The following NOPCHAP1 variants were observed in gnomAD, a reference collection of about 807,000 sequenced individuals.
The protein encoded by NOPCHAP1 is DNA damage-sensitive RNA 1.
Under a neutral mutation model 14.0 loss-of-function variants are expected in NOPCHAP1, and 13 were observed. That is an observed-to-expected ratio of 0.93 (90% CI 0.60 to 1.47). The LOEUF (loss-of-function observed/expected upper bound fraction) is 1.47, where lower values mean the gene tolerates loss of function less well. NOPCHAP1 is among the 40% of genes most tolerant of loss of function. NOPCHAP1 has a pLI of 0.00. For synonymous variants in NOPCHAP1, 78 were observed against 78.4 expected, an observed-to-expected ratio of 1.00 and a Z score of 0.03; for missense variants, 230 against 226.9, an observed-to-expected ratio of 1.01 and a Z score of -0.09.
rs928944008 is a variant in NOPCHAP1, at chr12:105,000,589, A to G, written c.*5893A>G. 1.3e-5 allele frequency: 2 copies of G among 152,112 alleles called. No individual in the cohort carries two copies. The highest frequency in any genetic ancestry group is 2.4e-5 in the African/African-American group (1 of 41,438). The allele number at this position is 152,112 out of a possible 1,614,324, so 9.4% of individuals were successfully genotyped here. A position where few individuals can be genotyped will look rare whatever the true frequency, so the allele number is the denominator to read the frequency against. ...CAGAGAAGAGAACTCTTGATCCATG[A>G]TCAAATTCTTACCACCCATACTGCA... On this transcript the variant is annotated 3_prime_UTR_variant, in exon 4 of 4. Transcript: ENST00000552951.
chr12:104,988,032 TCTC>T (rs1873279967), intron 1 of NOPCHAP1, 132 bp from the exon 2 acceptor site: 2 of 560,244 alleles, frequency 3.6e-6, no homozygotes, highest in South Asian at 5.4e-5. Context: ...AGCTTGGAGT[TCTC>T]CTTTAAAAAA....
intron 3 of NOPCHAP1, among the ~76,000 whole-genome samples, chr12:104,994,099 C>T (rs1397753754): frequency 6.6e-6 from 1 of 152,192 alleles, no homozygotes; most frequent in Non-Finnish European, 1.5e-5. Context: ...AATTGCAGCG[C>T]TTTGGGAGGG....
chr12:104,987,488 C>T (rs1486612159), intron 1 of NOPCHAP1, among the ~76,000 whole-genome samples: 2 of 152,162 alleles, frequency 1.3e-5, no homozygotes, highest in East Asian at 3.8e-4. Context: ...ATGTTTGTTG[C>T]GGCTCTGCTT....
In NOPCHAP1 at chr12:105,011,748, A is replaced by C. The variant is rs1004626832; in HGVS notation, c.*17052A>C. ...GGATTTTATTTCTCGTTCGCTTATG[A>C]AGCTTAGTTTGGCTGGATATGAAAT... is the stretch of plus-strand genomic sequence containing the variant. On this transcript the variant is annotated 3_prime_UTR_variant, in exon 4 of 4. Coordinates refer to ENST00000552951, the MANE Select transcript of NOPCHAP1 (RefSeq NM_152318.3). The C allele has an allele frequency of 6.6e-6, 1 of 152,176 alleles. No homozygotes were observed. Among genetic ancestry groups the C allele is most frequent in the African/African-American group, 2.4e-5 (1 of 41,436 alleles). 9.4% of individuals were successfully genotyped at this position (152,176 alleles called of 1,614,324 possible).
chr12:105,017,601 A>G lies in NOPCHAP1; in HGVS notation c.*22905A>G, dbSNP rs1873976480. On this transcript the variant is annotated 3_prime_UTR_variant, in exon 4 of 4. Coordinates refer to ENST00000552951, the MANE Select transcript of NOPCHAP1 (RefSeq NM_152318.3). Reference sequence around the variant, plus strand: ...ATAGTGCCTTTCACTCAGTTGGAATATATAATAAATGTTCATTAAACTGAC... The same window carrying G: ...ATAGTGCCTTTCACTCAGTTGGAATGTATAATAAATGTTCATTAAACTGAC... 1 of 151,944 alleles carries G rather than the reference A, an allele frequency of 6.6e-6. No homozygotes were observed. Among genetic ancestry groups the G allele is most frequent in the Admixed American group, 6.6e-5 (1 of 15,248 alleles). 9.4% of individuals were successfully genotyped at this position (151,944 alleles called of 1,614,324 possible).
rs540059121 is a variant in NOPCHAP1 at position 104,995,403 on chromosome 12, A to G, written c.*707A>G. The G allele has an allele frequency of 1.2e-4, 19 of 152,288 alleles. No individual in the cohort carries two copies. Among genetic ancestry groups the G allele is most frequent in the Non-Finnish European group, 2.3e-4 (16 of 68,124 alleles). The allele number at this position is 152,288 out of a possible 1,614,324, so 9.4% of individuals were successfully genotyped here. On this transcript the variant is annotated 3_prime_UTR_variant, in exon 4 of 4. Coordinates refer to ENST00000552951, the MANE Select transcript of NOPCHAP1 (RefSeq NM_152318.3). ...TTGTATTGAATTTTCTGTAGTAGCA[A>G]AATCTGGAAAAATAGGTACAACATT...
rs1172126416 is a variant in NOPCHAP1 at position 105,008,293 on chromosome 12, A to C, written c.*13597A>C. The C allele has an allele frequency of 6.6e-6, 1 of 152,204 alleles. No individual in the cohort carries two copies. Among genetic ancestry groups the C allele is most frequent in the African/African-American group, 2.4e-5 (1 of 41,446 alleles). 9.4% of individuals were successfully genotyped at this position (152,204 alleles called of 1,614,324 possible). ...GGCCGCATAAATGTCTTCTTTTGAGAAGTGTCTGTTCGTATCCTTCGCCCA... is the reference window on the plus strand; with the variant it reads ...GGCCGCATAAATGTCTTCTTTTGAGCAGTGTCTGTTCGTATCCTTCGCCCA... On this transcript the variant is annotated 3_prime_UTR_variant, in exon 4 of 4. Transcript: ENST00000552951.
intron 1 of NOPCHAP1, among the ~76,000 whole-genome samples, chr12:104,987,474 A>G (rs147544925): frequency 1.3e-5 from 2 of 152,296 alleles, no homozygotes; most frequent in East Asian, 1.9e-4. Context: ...TAGGCATTCA[A>G]TGGATGTTTG....
In NOPCHAP1 at chr12:105,016,387, A is replaced by G. The variant is rs140342643; in HGVS notation, c.*21691A>G. The G allele has an allele frequency of 1.4e-4, 22 of 152,334 alleles. No individual in the cohort carries two copies. In the East Asian group the frequency reaches 3.7e-3, roughly 25 times the overall value. 9.4% of individuals were successfully genotyped at this position (152,334 alleles called of 1,614,324 possible). On this transcript the variant is annotated 3_prime_UTR_variant, in exon 4 of 4. Transcript: ENST00000552951. ...GTCTAAGAGTTACCACCACTCATAC[A>G]TATGTAAAGGCTAATGGAGTTGTAA...
rs1449229537 is a variant in NOPCHAP1, at chr12:105,000,501, A to C, written c.*5805A>C. The C allele has an allele frequency of 3.9e-5, 6 of 152,210 alleles. No homozygotes were observed. The highest frequency in any genetic ancestry group is 8.8e-5 in the Non-Finnish European group (6 of 68,036). 9.4% of individuals were successfully genotyped at this position (152,210 alleles called of 1,614,324 possible). ...GGTCCTATGGATTTTCCTGTAAGGA[A>C]AAGGAAAGATTAAGACAATAGGAAA... On this transcript the variant is annotated 3_prime_UTR_variant, in exon 4 of 4. Transcript: ENST00000552951.
chr12:104,990,674 T>G (rs1286350437), intron 2 of NOPCHAP1, among the ~76,000 whole-genome samples: 1 of 152,120 alleles, frequency 6.6e-6, no homozygotes, highest in East Asian at 1.9e-4. Context: ...AGAGAGAAAA[T>G]AAATATCCTT....
chr12:104,993,912 G>T (rs940272564), intron 3 of NOPCHAP1, among the ~76,000 whole-genome samples: 1 of 152,202 alleles, frequency 6.6e-6, no homozygotes, highest in Non-Finnish European at 1.5e-5. Flanking sequence ...TTTGCTGAAA[G>T]AATGTTGTTG....
rs1322600838 is a variant in NOPCHAP1 at position 104,996,197 on chromosome 12, C to G, written c.*1501C>G. ...CATATTTTCTGTAGACCAATACAGGCAGACCCTCTGAGGCTGGAAAAGAGG... is the reference window on the plus strand; with the variant it reads ...CATATTTTCTGTAGACCAATACAGGGAGACCCTCTGAGGCTGGAAAAGAGG... On this transcript the variant is annotated 3_prime_UTR_variant, in exon 4 of 4. Coordinates refer to ENST00000552951, the MANE Select transcript of NOPCHAP1 (RefSeq NM_152318.3). 6.6e-6 allele frequency: 1 copy of G among 152,116 alleles called. No homozygotes were observed. The highest frequency in any genetic ancestry group is 1.5e-5 in the Non-Finnish European group (1 of 68,042). 9.4% of individuals were successfully genotyped at this position (152,116 alleles called of 1,614,324 possible). A position where few individuals can be genotyped will look rare whatever the true frequency, so the allele number is the denominator to read the frequency against.
intron 3 of NOPCHAP1, among the ~76,000 whole-genome samples, chr12:104,992,607 A>G (rs572685782): frequency 6.6e-6 from 1 of 152,146 alleles, no homozygotes; most frequent in Non-Finnish European, 1.5e-5. Context: ...CCCAACCCCC[A>G]GGCTGTGGAC....
Position 105,009,669 on chromosome 12 carries a change from A to C in NOPCHAP1, c.*14973A>C, listed in dbSNP as rs1402564086. 6.6e-6 allele frequency: 1 copy of C among 152,206 alleles called. No individual in the cohort carries two copies. The highest frequency in any genetic ancestry group is 6.5e-5 in the Admixed American group (1 of 15,280). 9.4% of individuals were successfully genotyped at this position (152,206 alleles called of 1,614,324 possible). A position where few individuals can be genotyped will look rare whatever the true frequency, so the allele number is the denominator to read the frequency against. On this transcript the variant is annotated 3_prime_UTR_variant, in exon 4 of 4. Transcript: ENST00000552951. ...ACCTAGTTTATTGAGAGTTTTTAGC[A>C]TGAAGGGGTGTTGAATTTTATCAAA...
rs1482755229 is a variant in NOPCHAP1 at position 105,002,904 on chromosome 12, G to A, written c.*8208G>A. The A allele has an allele frequency of 1.3e-5, 2 of 152,210 alleles. No homozygotes were observed. The highest frequency in any genetic ancestry group is 6.5e-5 in the Admixed American group (1 of 15,288). The allele number at this position is 152,210 out of a possible 1,614,324, so 9.4% of individuals were successfully genotyped here. A position where few individuals can be genotyped will look rare whatever the true frequency, so the allele number is the denominator to read the frequency against. On this transcript the variant is annotated 3_prime_UTR_variant, in exon 4 of 4. Coordinates refer to ENST00000552951, the MANE Select transcript of NOPCHAP1 (RefSeq NM_152318.3). ...CTGGCTGATCAGAGAATCCCATTTT[G>A]TAAGGCATTTGTCTAACTTGCCTTT...
Position 104,996,784 on chromosome 12 carries a change from T to G in NOPCHAP1, c.*2088T>G, listed in dbSNP as rs1466321398. On this transcript the variant is annotated 3_prime_UTR_variant, in exon 4 of 4. Coordinates refer to ENST00000552951, the MANE Select transcript of NOPCHAP1 (RefSeq NM_152318.3). ...CTTTATGAATCTGGGTGCTTCTCTG[T>G]TGGGTGCATGTATGTTTAGGATAGT... The G allele has an allele frequency of 6.6e-6, 1 of 152,252 alleles. No homozygotes were observed. The highest frequency in any genetic ancestry group is 2.4e-5 in the African/African-American group (1 of 41,472). The allele number at this position is 152,252 out of a possible 1,614,324, so 9.4% of individuals were successfully genotyped here. A position where few individuals can be genotyped will look rare whatever the true frequency, so the allele number is the denominator to read the frequency against.
Position 104,998,063 on chromosome 12 carries a change from A to T in NOPCHAP1, c.*3367A>T, listed in dbSNP as rs950737771. ...TGTCAGATCGGTTTAGTTCTCTCTT[A>T]TAATGGCCGTTTTGTTTATCAGCTT... On this transcript the variant is annotated 3_prime_UTR_variant, in exon 4 of 4. Transcript: ENST00000552951. 5 of 152,242 alleles carry T rather than the reference A, an allele frequency of 3.3e-5. No homozygotes were observed. Among genetic ancestry groups the T allele is most frequent in the African/African-American group, 1.2e-4 (5 of 41,472 alleles). The allele number at this position is 152,242 out of a possible 1,614,324, so 9.4% of individuals were successfully genotyped here.
rs1357813984 is a variant in NOPCHAP1, at chr12:104,998,296, T to C, written c.*3600T>C. On this transcript the variant is annotated 3_prime_UTR_variant, in exon 4 of 4. Coordinates refer to ENST00000552951, the MANE Select transcript of NOPCHAP1 (RefSeq NM_152318.3). The stretch of plus-strand genomic sequence containing the variant: ...GTGCTTTTGTCAGTTTTTGCACTGA[T>C]TCTTTTTTATCTTTGTGGGCTCATG... 6.6e-6 allele frequency: 1 copy of C among 152,268 alleles called. No individual in the cohort carries two copies. Among genetic ancestry groups the C allele is most frequent in the Non-Finnish European group, 1.5e-5 (1 of 68,066 alleles). The allele number at this position is 152,268 out of a possible 1,614,324, so 9.4% of individuals were successfully genotyped here. A position where few individuals can be genotyped will look rare whatever the true frequency, so the allele number is the denominator to read the frequency against.
Sources: allele counts gnomAD v4.1 joint callset (sites outside exome capture counted in the v4.1 genomes callset), GRCh38; gene constraint gnomAD v4.1.1; transcripts MANE v1.5; gene names NCBI Gene and HGNC (gene_info 2026-07-23, HGNC 2026-07-21).